Variants in CRYBG3 observed in about 807,000 individuals in gnomAD.
The protein encoded by CRYBG3 is crystallin beta-gamma domain containing 3.
CRYBG3 carries 127 observed loss-of-function variants against 244.2 expected under a neutral mutation model. The observed-to-expected ratio is 0.52, with a 90% CI of 0.45 to 0.60. The LOEUF is 0.60. CRYBG3 is among the 20% of genes least tolerant of loss of function. The probability of loss-of-function intolerance (pLI) is 0.00; values close to 1 mark genes in which losing one functional copy is unlikely to be tolerated. For missense variants in CRYBG3, 3,325 were observed against 3,442.5 expected, an observed-to-expected ratio of 0.97 and a Z score of 0.85; for synonymous variants, 1,132 against 1,195.8, an observed-to-expected ratio of 0.95 and a Z score of 1.10.
intron 17 of CRYBG3, chr3:97,924,137 T>C (rs1188144088): frequency 3.3e-6 from 1 of 306,492 alleles, no homozygotes; most frequent in African/African-American, 2.3e-5. Context: ...AACTGACCTA[T>C]ATAGTAATGG....
intron 2 of CRYBG3, among the ~76,000 whole-genome samples, chr3:97,861,752 G>A (rs563306933): frequency 1.8e-4 from 27 of 152,162 alleles, no homozygotes; most frequent in African/African-American, 6.3e-4. Context: ...TATAGGGCCC[G>A]CATAATGAGG....
chr3:97,880,096 G>A lies in CRYBG3; in HGVS notation c.7000G>A (p.Gly2334Ser). 1 of 1,520,464 alleles carries A rather than the reference G, an allele frequency of 6.6e-7. No homozygotes were observed. The highest frequency in any genetic ancestry group is 1.2e-5 in the South Asian group (1 of 83,050). The allele number at this position is 1,520,464 out of a possible 1,614,324, so 94.2% of individuals were successfully genotyped here. ...TGGAGTTCTAATAAAAGTTGTAAGG[G>A]GCTGGTAAGAAGTTTCTTAAAATTT... ...PNGVLIKVVR[G>S]CWILYEKPHF... Residue 2334 changes from glycine to serine, a missense_variant, in exon 6 of 22, where the codon GGC (glycine) becomes AGC (serine). This residue lies in a region of CRYBG3 where 714 missense variants were observed against 803.6 expected (regional missense o/e 0.89). Coordinates refer to ENST00000389622, the MANE Select transcript of CRYBG3 (RefSeq NM_153605.4).
At chr3:97,903,119 G>T (rs187027117) in intron 15 of CRYBG3, among the ~76,000 whole-genome samples, 10 of 152,094 alleles carry the variant, frequency 6.6e-5, no homozygotes, top group Admixed American at 6.6e-4. Flanking sequence ...TTGAGCCCCT[G>T]TTCCATTTTA....
chr3:97,899,345 G>A, intron 14 of CRYBG3, 82 bp downstream of exon 14: 1 of 1,445,986 alleles, frequency 6.9e-7, no homozygotes, highest in South Asian at 1.4e-5. Flanking sequence ...TTTAAAAGTG[G>A]AGTTGTTGAA....
intron 8 of CRYBG3, among the ~76,000 whole-genome samples, chr3:97,887,147 C>T (rs970021929): frequency 6.6e-6 from 1 of 152,096 alleles, no homozygotes; most frequent in Non-Finnish European, 1.5e-5. Context: ...GTTTATGACT[C>T]CTCTGTTCCT....
intron 16 of CRYBG3, among the ~76,000 whole-genome samples, chr3:97,915,139 A>G (rs757618744): frequency 2.3e-4 from 35 of 152,176 alleles, no homozygotes; most frequent in South Asian, 1.2e-3. Context: ...ATTTTTCCCA[A>G]AAAGAACTTA....
At chr3:97,835,046 A>T (rs1460755014) in intron 1 of CRYBG3, among the ~76,000 whole-genome samples, 2 of 152,158 alleles carry the variant, frequency 1.3e-5, no homozygotes, top group Non-Finnish European at 2.9e-5. Flanking sequence ...TAAAAGTAAA[A>T]GTTCTTCTTC....
At position 97,910,410 on chromosome 3, in the gene CRYBG3, C is replaced by T. The variant is rs764435791; in HGVS notation, c.8005-1757C>T. ...CTAGCAATCAGCGAGACTCTGTGGGCGTAGGACCCTCCGAGCCAGGTGCAG... is the reference window on the plus strand; with the variant it reads ...CTAGCAATCAGCGAGACTCTGTGGGTGTAGGACCCTCCGAGCCAGGTGCAG... On this transcript the variant is annotated intron_variant, in intron 15 of 21. Coordinates refer to ENST00000389622, the MANE Select transcript of CRYBG3 (RefSeq NM_153605.4). Among the ~76,000 whole-genome samples the T allele has an allele frequency of 4.7e-5, 7 of 150,444 alleles. No homozygotes were observed. In the East Asian group the frequency reaches 5.8e-4, roughly 12 times the overall value.
At chr3:97,919,919 CCAT>C (rs972592542) in intron 17 of CRYBG3, among the ~76,000 whole-genome samples, 4 of 152,002 alleles carry the variant, frequency 2.6e-5, no homozygotes, top group African/African-American at 9.7e-5. Flanking sequence ...GTGTGCACCA[CCAT>C]GTCTGGCTAG....
At chr3:97,885,076 T>C (rs1173308047) in intron 7 of CRYBG3, among the ~76,000 whole-genome samples, 1 of 152,176 alleles carries the variant, frequency 6.6e-6, no homozygotes, top group African/African-American at 2.4e-5. Flanking sequence ...ATTAATAGCA[T>C]ACAAAAGAGC....
intron 15 of CRYBG3, among the ~76,000 whole-genome samples, chr3:97,911,215 C>T (rs1329742058): frequency 1.3e-5 from 2 of 152,184 alleles, no homozygotes; most frequent in Non-Finnish European, 2.9e-5. Context: ...TCAGAAAAGC[C>T]TTATCCTCGA....
chr3:97,873,076 G>C lies in CRYBG3; in HGVS notation c.1882G>C (p.Glu628Gln). ...SHISETPLDSESPQQAEVSPD... is the reference protein window; with the variant it reads ...SHISETPLDSQSPQQAEVSPD... Reference sequence around the variant, plus strand: ...CATTTCAGAAACTCCTCTTGACTCTGAGAGTCCTCAACAAGCTGAAGTATC... The same window carrying C: ...CATTTCAGAAACTCCTCTTGACTCTCAGAGTCCTCAACAAGCTGAAGTATC... Residue 628 changes from glutamate to glutamine, a missense_variant, in exon 4 of 22, where the codon GAG (glutamate) becomes CAG (glutamine). Around this residue, in one of 4 missense-constraint regions of CRYBG3, gnomAD observed 1,526 missense variants for 1,443.2 expected, o/e 1.06. Transcript: ENST00000389622. 1 of 1,534,856 alleles carries C rather than the reference G, an allele frequency of 6.5e-7. No individual in the cohort carries two copies. The highest frequency in any genetic ancestry group is 8.7e-7 in the Non-Finnish European group (1 of 1,146,490).
chr3:97,874,582 G>A lies in CRYBG3; in HGVS notation c.3388G>A (p.Gly1130Arg), dbSNP rs950184206. ...TEVTPFQEHF[G>R]IYTGKISIDF... ...AGTAACCCCATTTCAGGAACATTTT[G>A]GGATTTATACTGGGAAGATATCCAT... The change falls in exon 4 of 22, where the codon GGG (glycine) becomes AGG (arginine). Residue 1130 changes from glycine (G) to arginine (R), a missense_variant. Gly to Arg is a moderately radical substitution (Grantham distance 125). Transcript: ENST00000389622. The A allele has an allele frequency of 5.7e-5, 87 of 1,535,878 alleles. No individual in the cohort carries two copies. Among genetic ancestry groups the A allele is most frequent in the Non-Finnish European group, 7.4e-5 (85 of 1,146,862 alleles).
In CRYBG3 at chr3:97,899,209, T is replaced by C. The variant is rs1368853607; in HGVS notation, c.7917T>C (p.Phe2639=). The C allele has an allele frequency of 6.2e-7, 1 of 1,613,804 alleles. No homozygotes were observed. Among genetic ancestry groups the C allele is most frequent in the East Asian group, 2.2e-5 (1 of 44,856 alleles). The stretch of plus-strand genomic sequence containing the variant: ...TAGAAAAAGGGAAATACAAATGCTT[T>C]TTTGACTGGGGAGGATCAAATAATA... ...YILEKGKYKC[F]FDWGGSNNII... is the part of the protein sequence containing the mutation. Residue 2639 remains phenylalanine (F), a synonymous_variant, in exon 14 of 22, where the codon TTT becomes TTC. Coordinates refer to ENST00000389622, the MANE Select transcript of CRYBG3 (RefSeq NM_153605.4).
At chr3:97,918,300 G>C (rs566424099) in intron 17 of CRYBG3, among the ~76,000 whole-genome samples, 2 of 152,278 alleles carry the variant, frequency 1.3e-5, no homozygotes, top group East Asian at 3.9e-4. Flanking sequence ...GCTAACTTCT[G>C]TTGGTACAGG....
chr3:97,851,711 A>G (rs2038988056), intron 2 of CRYBG3, among the ~76,000 whole-genome samples: 1 of 152,168 alleles, frequency 6.6e-6, no homozygotes, highest in African/African-American at 2.4e-5. Flanking sequence ...GAAATTGGAG[A>G]AAGCCATGGG....
chr3:97,937,862 C>T (rs1197694382), intron 19 of CRYBG3, among the ~76,000 whole-genome samples: 5 of 151,970 alleles, frequency 3.3e-5, no homozygotes, highest in Admixed American at 6.6e-5. Context: ...AAGATAGATG[C>T]GATTTCTGCC....
chr3:97,849,103 G>A (rs1309305267), intron 2 of CRYBG3, among the ~76,000 whole-genome samples: 1 of 152,204 alleles, frequency 6.6e-6, no homozygotes, highest in Admixed American at 6.5e-5. Context: ...TAACCTCTCT[G>A]AATCCTGGTT....
At chr3:97,894,177 T>C (rs1037628114) in intron 11 of CRYBG3, among the ~76,000 whole-genome samples, 1 of 152,192 alleles carries the variant, frequency 6.6e-6, no homozygotes, top group Non-Finnish European at 1.5e-5. Flanking sequence ...GAGATCTAAA[T>C]GTTTTTCCTA....
Sources: allele counts gnomAD v4.1 joint callset (sites outside exome capture counted in the v4.1 genomes callset), GRCh38; gene constraint gnomAD v4.1.1; regional missense constraint gnomAD v4.1.1; transcripts MANE v1.5; gene names NCBI Gene and HGNC (gene_info 2026-07-23, HGNC 2026-07-21).